XRN1: variants seen among roughly 807,000 people sequenced by gnomAD.
The protein encoded by XRN1 is 5'-3' exoribonuclease 1, also known as strand-exchange protein 1 homolog.
Under a neutral mutation model 222.3 loss-of-function variants are expected in XRN1, and 67 were observed. The observed-to-expected ratio is 0.30, with a 90% CI of 0.25 to 0.37. The LOEUF is 0.37. Among genes scored for constraint, XRN1 ranks in the 10% least tolerant of loss-of-function variants. The pLI, the probability that XRN1 is intolerant of heterozygous loss-of-function variation, is 1.00. For missense variants in XRN1, 1,707 were observed against 2,000.2 expected (o/e 0.85, Z 2.80); for synonymous variants, 643 against 652.4 (o/e 0.99, Z 0.22).
chr3:142,347,225 A>G lies in XRN1; in HGVS notation c.3877+9T>C. 6.3e-7 allele frequency: 1 copy of G among 1,576,812 alleles called. No homozygotes were observed. The highest frequency in any genetic ancestry group is 1.1e-5 in the South Asian group (1 of 87,376). Reference sequence around the variant, plus strand: ...ACACACAAGTACACCTTTCTAATTTAAAACTTACATTTTCTGTGAGGGTCA... The same window carrying G: ...ACACACAAGTACACCTTTCTAATTTGAAACTTACATTTTCTGTGAGGGTCA... On this transcript the variant is annotated intron_variant, in intron 33 of 40. Coordinates refer to ENST00000392981, the MANE Select transcript of XRN1 (RefSeq NM_001282857.2).
intron 32 of XRN1, among the ~76,000 whole-genome samples, chr3:142,354,620 C>G (rs757599598): frequency 2.0e-5 from 3 of 152,088 alleles, no homozygotes; most frequent in Admixed American, 6.6e-5. Context: ...TGAAATGGGG[C>G]GATCTTGGCT....
chr3:142,378,480 T>A (rs1312220675), intron 23 of XRN1, among the ~76,000 whole-genome samples: 1 of 152,120 alleles, frequency 6.6e-6, no homozygotes, highest in Non-Finnish European at 1.5e-5. Flanking sequence ...AGATGCTATA[T>A]ATAGCCAGAG....
Position 142,412,544 on chromosome 3 carries a change from C to T in XRN1, c.1713G>A (p.Glu571=). The T allele has an allele frequency of 6.3e-7, 1 of 1,599,730 alleles. No individual in the cohort carries two copies. The highest frequency in any genetic ancestry group is 8.5e-7 in the Non-Finnish European group (1 of 1,170,808). ...EAVVLIPFID[E]KRLLEAMETC... ...TGTAATGATTATTTCATGCACTGAC[C>T]TCATCAATAAAAGGGATTAACACCA... Residue 571 remains glutamate, a splice_region_variant and synonymous_variant, in exon 15 of 41, where the codon GAG becomes GAA. Transcript: ENST00000392981.
chr3:142,355,098 G>C (rs1577278762), intron 32 of XRN1, among the ~76,000 whole-genome samples: 1 of 150,564 alleles, frequency 6.6e-6, no homozygotes, highest in South Asian at 2.1e-4. Flanking sequence ...TAGGGAGGAG[G>C]GGGGAAGGGC....
chr3:142,427,796 A>G (rs978103989), intron 2 of XRN1, among the ~76,000 whole-genome samples: 1 of 152,222 alleles, frequency 6.6e-6, no homozygotes, highest in Non-Finnish European at 1.5e-5. Context: ...ACCCCTTTGC[A>G]GCGTACCAGC....
intron 32 of XRN1, among the ~76,000 whole-genome samples, chr3:142,352,906 A>G (rs923118314): frequency 2.0e-5 from 3 of 152,204 alleles, no homozygotes; most frequent in African/African-American, 4.8e-5. Context: ...GGCTTCCCAA[A>G]GTGCTGGGAT....
chr3:142,366,243 A>C (rs2066808360), intron 27 of XRN1, among the ~76,000 whole-genome samples: 1 of 152,230 alleles, frequency 6.6e-6, no homozygotes, highest in Non-Finnish European at 1.5e-5. Context: ...GAATTTTAAA[A>C]ATTACAGCAG....
intron 10 of XRN1, among the ~76,000 whole-genome samples, chr3:142,419,764 C>T (rs1455344403): frequency 2.6e-5 from 4 of 151,472 alleles, no homozygotes; most frequent in East Asian, 3.9e-4. Flanking sequence ...GCCAAGATCG[C>T]GCCACTGCAC....
intron 39 of XRN1, among the ~76,000 whole-genome samples, chr3:142,312,959 C>T (rs1355483776): frequency 6.6e-6 from 1 of 151,940 alleles, no homozygotes; most frequent in African/African-American, 2.4e-5. Context: ...ACTATCTACA[C>T]AAATGAATTT....
Position 142,332,440 on chromosome 3 carries a change from G to A in XRN1, c.4157C>T (p.Pro1386Leu). Residue 1386 changes from proline (P) to leucine (L), a missense_variant, in exon 36 of 41, where the codon CCT (proline) becomes CTT (leucine). Transcript: ENST00000392981. Reference sequence around the variant, plus strand: ...TTCATCTCTTCTGTTAGAGGAAACAGGGATTTCATTAGCAATCTGTTTGAT... The same window carrying A: ...TTCATCTCTTCTGTTAGAGGAAACAAGGATTTCATTAGCAATCTGTTTGAT... Reference protein sequence around the residue: ...NEIKQIANEIPVSSNRRDEYG... With the variant: ...NEIKQIANEILVSSNRRDEYG... 1 of 1,613,222 alleles carries A rather than the reference G, an allele frequency of 6.2e-7. No individual in the cohort carries two copies. The highest frequency in any genetic ancestry group is 1.7e-5 in the Admixed American group (1 of 59,990).
chr3:142,347,699 G>C (rs1014593241), intron 32 of XRN1, among the ~76,000 whole-genome samples: 4 of 151,738 alleles, frequency 2.6e-5, no homozygotes, highest in Non-Finnish European at 4.4e-5. Context: ...CCGGGTTCAT[G>C]TGACTCTCAT....
At chr3:142,437,215 C>G (rs2108189591) in intron 1 of XRN1, among the ~76,000 whole-genome samples, 1 of 152,334 alleles carries the variant, frequency 6.6e-6, no homozygotes, top group Non-Finnish European at 1.5e-5. Context: ...ATTTTATACT[C>G]TCTGCCTTCT....
chr3:142,338,104 G>A (rs1489630812), intron 33 of XRN1, among the ~76,000 whole-genome samples: 1 of 152,172 alleles, frequency 6.6e-6, no homozygotes, highest in Non-Finnish European at 1.5e-5. Flanking sequence ...TACTTGCTAG[G>A]CATGTGACTT....
intron 15 of XRN1, among the ~76,000 whole-genome samples, chr3:142,410,876 CA>C (rs1406866410): frequency 6.6e-6 from 1 of 152,000 alleles, no homozygotes; most frequent in East Asian, 1.9e-4. Flanking sequence ...AATGCCATGT[CA>C]AATTTGGGTC....
chr3:142,410,487 GTTTTT>G (rs751870329), intron 15 of XRN1, among the ~76,000 whole-genome samples: 1 of 68,072 alleles, frequency 1.5e-5, no homozygotes, highest in Non-Finnish European at 2.6e-5. Context: ...TCTATCTCAT[GTTTTT>G]TTTTTTTTTT....
intron 20 of XRN1, among the ~76,000 whole-genome samples, chr3:142,393,738 G>C (rs1304434970): frequency 6.6e-6 from 1 of 152,032 alleles, no homozygotes. Flanking sequence ...CTCACTGTCT[G>C]ATAACTTCCT....
rs546800957 is a variant in XRN1 at position 142,341,992 on chromosome 3, C to T, written c.3877+5242G>A. On this transcript the variant is annotated intron_variant, in intron 33 of 40. Coordinates refer to ENST00000392981, the MANE Select transcript of XRN1 (RefSeq NM_001282857.2). The stretch of plus-strand genomic sequence containing the variant: ...ATCCAAATATAGTAATAGCTGGATA[C>T]GTCAAGATTCCACTTTCAGCATTGT... Among the ~76,000 whole-genome samples the T allele has an allele frequency of 1.6e-4, 25 of 152,196 alleles. 1 individual carries two copies. In the South Asian group the frequency reaches 4.4e-3, roughly 27 times the overall value.
Position 142,421,493 on chromosome 3 carries a change from G to C in XRN1, c.1018C>G (p.Leu340Val). ...HLNLPRFEKYLVKLSDFDREH... is the reference protein window; with the variant it reads ...HLNLPRFEKYVVKLSDFDREH... Reference sequence around the variant, plus strand: ...TTACTTACATCTGATAGTTTCACAAGGTATTTCTCAAATCGAGGTAAGTTG... The same window carrying C: ...TTACTTACATCTGATAGTTTCACAACGTATTTCTCAAATCGAGGTAAGTTG... The change falls in exon 9 of 41, where the codon CTT becomes GTT. Residue 340 changes from leucine (L) to valine (V), a missense_variant. Physicochemically the swap from Leu to Val is conservative, Grantham distance 32 (BLOSUM62 1). This residue lies in a region of XRN1 where 1,234 missense variants were observed against 1,518.2 expected (regional missense o/e 0.81). Coordinates refer to ENST00000392981, the MANE Select transcript of XRN1 (RefSeq NM_001282857.2). The C allele has an allele frequency of 6.2e-7, 1 of 1,607,672 alleles. No individual in the cohort carries two copies. Among genetic ancestry groups the C allele is most frequent in the Non-Finnish European group, 8.5e-7 (1 of 1,177,134 alleles).
chr3:142,350,254 T>C (rs1395569586), intron 32 of XRN1, among the ~76,000 whole-genome samples: 1 of 152,072 alleles, frequency 6.6e-6, no homozygotes, highest in Non-Finnish European at 1.5e-5. Flanking sequence ...GTGAACTTCA[T>C]TGTATACATG....
Sources: allele counts gnomAD v4.1 joint callset (sites outside exome capture counted in the v4.1 genomes callset), GRCh38; gene constraint gnomAD v4.1.1; regional missense constraint gnomAD v4.1.1; transcripts MANE v1.5; gene names NCBI Gene and HGNC (gene_info 2026-07-23, HGNC 2026-07-21).